The following HIPK2 variants were observed in gnomAD, a reference collection of about 807,000 sequenced individuals.
HIPK2 encodes homeodomain interacting protein kinase 2, also known as homeodomain-interacting protein kinase 2.
HIPK2 carries 27 observed loss-of-function variants against 113.7 expected under a neutral mutation model. The ratio of observed to expected loss-of-function variants is 0.24; its 90% CI spans 0.17 to 0.33. The LOEUF is 0.33. Among genes scored for constraint, HIPK2 ranks in the 10% least tolerant of loss-of-function variants. HIPK2 has a pLI of 1.00. For missense variants in HIPK2, 1,257 were observed against 1,588.0 expected, an observed-to-expected ratio of 0.79 and a Z score of 3.54; for synonymous variants, 631 against 642.2, an observed-to-expected ratio of 0.98 and a Z score of 0.26.
chr7:139,755,354 T>C (rs772039625), intron 1 of HIPK2, among the ~76,000 whole-genome samples: 1 of 152,234 alleles, frequency 6.6e-6, no homozygotes, highest in Non-Finnish European at 1.5e-5. Flanking sequence ...GCTGATGACC[T>C]CAGAACTTCT....
In HIPK2 at chr7:139,565,287, G is replaced by C. The variant is rs1231350321; in HGVS notation, c.*7640C>G. Reference sequence around the variant, plus strand: ...CAGGATCTCAAACTCCGATTAGTTAGGTTTGCTTCCAATGGAGTTAAAGTT... The same window carrying C: ...CAGGATCTCAAACTCCGATTAGTTACGTTTGCTTCCAATGGAGTTAAAGTT... On this transcript the variant is annotated 3_prime_UTR_variant, in exon 15 of 15. Coordinates refer to ENST00000406875, the MANE Select transcript of HIPK2 (RefSeq NM_022740.5). The C allele has an allele frequency of 6.6e-6, 1 of 151,994 alleles. No individual in the cohort carries two copies. The highest frequency in any genetic ancestry group is 1.5e-5 in the Non-Finnish European group (1 of 68,020). The allele number at this position is 151,994 out of a possible 1,614,324, so 9.4% of individuals were successfully genotyped here.
At chr7:139,677,694 T>C (rs568086112) in intron 2 of HIPK2, among the ~76,000 whole-genome samples, 3 of 152,312 alleles carry the variant, frequency 2.0e-5, no homozygotes, top group Non-Finnish European at 2.9e-5. Flanking sequence ...TTATCTACAT[T>C]AGGTATTTCC....
intron 1 of HIPK2, among the ~76,000 whole-genome samples, chr7:139,727,085 C>A (rs1169165798): frequency 1.3e-5 from 2 of 152,120 alleles, no homozygotes; most frequent in Non-Finnish European, 1.5e-5. Flanking sequence ...GTCATCAACA[C>A]CTCGGTGGAA....
rs79726516 is a variant in HIPK2, at chr7:139,576,192, C to T, written c.2966-904G>A. On this transcript the variant is annotated intron_variant, in intron 13 of 14. Coordinates refer to ENST00000406875, the MANE Select transcript of HIPK2 (RefSeq NM_022740.5). The stretch of plus-strand genomic sequence containing the variant: ...CTAGGCAGGATGAGACTAAATCATC[C>T]GGGGAATGGCCCTGTGAGCCAAACA... 4.4e-3 allele frequency among the ~76,000 whole-genome samples: 664 copies of T among 152,314 alleles called. 13 individuals carry two copies. The highest frequency in any genetic ancestry group is 0.016 in the African/African-American group (647 of 41,562).
intron 6 of HIPK2, among the ~76,000 whole-genome samples, 197 bp downstream of exon 6, chr7:139,626,404 T>C (rs1398753902): frequency 1.3e-5 from 2 of 152,164 alleles, no homozygotes; most frequent in African/African-American, 2.4e-5. Flanking sequence ...CGCCCAGCCC[T>C]GCCCACTTTC....
chr7:139,777,406 C>G (rs1049918835), intron 1 of HIPK2, among the ~76,000 whole-genome samples, 199 bp downstream of exon 1: 3 of 151,910 alleles, frequency 2.0e-5, no homozygotes, highest in African/African-American at 7.2e-5. Flanking sequence ...GCCCCTCTCC[C>G]CGCCCTGGAA....
At chr7:139,623,474 T>C (rs1800310449) in intron 6 of HIPK2, among the ~76,000 whole-genome samples, 1 of 139,732 alleles carries the variant, frequency 7.2e-6, no homozygotes, top group Non-Finnish European at 1.5e-5. Flanking sequence ...GCAAAGATCG[T>C]ACTGCTGCAC....
chr7:139,687,489 A>G (rs1794260160), intron 2 of HIPK2, among the ~76,000 whole-genome samples: 1 of 152,226 alleles, frequency 6.6e-6, no homozygotes, highest in Admixed American at 6.5e-5. Context: ...GGTGGTTGGG[A>G]TATAGAATAC....
chr7:139,599,009 T>C (rs1201676112), intron 11 of HIPK2, among the ~76,000 whole-genome samples: 1 of 152,190 alleles, frequency 6.6e-6, no homozygotes, highest in East Asian at 1.9e-4. Context: ...CTTCAGCCCT[T>C]GGATGAATTT....
chr7:139,715,894 G>A, intron 2 of HIPK2, 38 bp downstream of exon 2: 1 of 1,590,316 alleles, frequency 6.3e-7, no homozygotes, highest in African/African-American at 1.3e-5. Context: ...GTGCCACTGG[G>A]CATTCAGCAG....
rs975482124 is a variant in HIPK2 at position 139,584,343 on chromosome 7, C to T, written c.2718-279G>A. Among the ~76,000 whole-genome samples, 4 of 152,184 alleles carry T rather than the reference C, an allele frequency of 2.6e-5. No individual in the cohort carries two copies. The South Asian group carries it at 8.3e-4, about 31-fold the overall frequency. ...AGATGCTTCCGGGCTGGCCTGGGCT[C>T]TTCCTGTGCAGCAGAGCTCAGCAGA... On this transcript the variant is annotated intron_variant, in intron 12 of 14. Coordinates refer to ENST00000406875, the MANE Select transcript of HIPK2 (RefSeq NM_022740.5).
intron 2 of HIPK2, among the ~76,000 whole-genome samples, chr7:139,697,767 T>G (rs1380904189): frequency 6.6e-6 from 1 of 152,226 alleles, no homozygotes; most frequent in African/African-American, 2.4e-5. Flanking sequence ...AGTTCCAAAA[T>G]ATTTTCATCA....
chr7:139,756,448 G>T lies in HIPK2; in HGVS notation c.19+21157C>A, dbSNP rs544855249. ...GTTTGTTTGTTTGTTTTTTTGAGAC[G>T]GAGTCTCGCTCTGTCACCCAGGCTG... On this transcript the variant is annotated intron_variant, in intron 1 of 14. Transcript: ENST00000406875. 2.0e-5 allele frequency among the ~76,000 whole-genome samples: 3 copies of T among 151,958 alleles called. No individual in the cohort carries two copies. The East Asian group carries it at 5.8e-4, about 29-fold the overall frequency.
At chr7:139,603,749 C>T (rs1028660742) in intron 10 of HIPK2, among the ~76,000 whole-genome samples, 6 of 152,100 alleles carry the variant, frequency 3.9e-5, no homozygotes, top group Admixed American at 2.0e-4. Flanking sequence ...GTTTTCTGAA[C>T]GTAGAATTTA....
chr7:139,762,088 T>C (rs565611083), intron 1 of HIPK2, among the ~76,000 whole-genome samples: 1 of 152,248 alleles, frequency 6.6e-6, no homozygotes, highest in African/African-American at 2.4e-5. Context: ...ACTAGTAATC[T>C]ACAGAAGGTC....
chr7:139,730,815 G>A (rs1795753467), intron 1 of HIPK2, among the ~76,000 whole-genome samples: 4 of 152,132 alleles, frequency 2.6e-5, no homozygotes, highest in Admixed American at 2.0e-4. Flanking sequence ...ATTCATTAAG[G>A]TGAGCCGTAA....
At chr7:139,611,388 G>A (rs1185306857) in intron 9 of HIPK2, among the ~76,000 whole-genome samples, 1 of 152,046 alleles carries the variant, frequency 6.6e-6, no homozygotes, top group Non-Finnish European at 1.5e-5. Context: ...ATAAATAAAA[G>A]GGTAGTTTAA....
chr7:139,695,317 A>C lies in HIPK2; in HGVS notation c.1103+20615T>G, dbSNP rs920844301. On this transcript the variant is annotated intron_variant, in intron 2 of 14. Coordinates refer to ENST00000406875, the MANE Select transcript of HIPK2 (RefSeq NM_022740.5). The stretch of plus-strand genomic sequence containing the variant: ...CATCACAGTGGGTGGCTCAGAACGG[A>C]GGGTTAGGCCTCACCGGAACTGCAC... Among the ~76,000 whole-genome samples the C allele has an allele frequency of 2.1e-4, 32 of 152,236 alleles. No homozygotes were observed. The East Asian group carries it at 5.8e-3, about 28-fold the overall frequency.
At chr7:139,698,207 T>C (rs911808346) in intron 2 of HIPK2, among the ~76,000 whole-genome samples, 3 of 152,198 alleles carry the variant, frequency 2.0e-5, no homozygotes, top group Non-Finnish European at 4.4e-5. Context: ...ATATAAAGAG[T>C]ATCATACGAT....
Sources: gnomAD v4.1 joint callset for allele counts (sites outside exome capture counted in the v4.1 genomes callset) on GRCh38, gnomAD v4.1.1 for gene constraint, MANE v1.5 for transcripts, NCBI Gene and HGNC (gene_info 2026-07-23, HGNC 2026-07-21) for gene names.